Variants in ADGRV1 observed in about 807,000 individuals in gnomAD.
ADGRV1 encodes the protein adhesion G protein-coupled receptor V1.
In ADGRV1, 359 loss-of-function variants were observed where a neutral mutation model predicts 596.2. That is an observed-to-expected ratio of 0.60 (90% confidence interval 0.55 to 0.66). ADGRV1 has a LOEUF of 0.66. Among genes scored for constraint, ADGRV1 ranks in the 30% least tolerant of loss-of-function variants. The probability of loss-of-function intolerance (pLI) is 0.00; values close to 1 mark genes in which losing one functional copy is unlikely to be tolerated. For missense variants in ADGRV1, 7,274 were observed against 7,575.6 expected (o/e 0.96, Z 1.48); for synonymous variants, 2,681 against 2,679.2 (o/e 1.00, Z -0.02).
At chr5:90,695,698 CATT>C (rs1288393895) in intron 33 of ADGRV1, among the ~76,000 whole-genome samples, 6 of 151,652 alleles carry the variant, frequency 4.0e-5, no homozygotes, top group Admixed American at 1.3e-4. Context: ...ACATAATAAT[CATT>C]ATGTTTTAGA....
chr5:91,122,672 G>A (rs1424591039), intron 87 of ADGRV1, among the ~76,000 whole-genome samples: 2 of 152,178 alleles, frequency 1.3e-5, no homozygotes, highest in Non-Finnish European at 2.9e-5. Context: ...GCAAAATGTA[G>A]GCCAGGAAAT....
chr5:90,667,926 G>C (rs1271106235), intron 21 of ADGRV1, among the ~76,000 whole-genome samples: 1 of 152,008 alleles, frequency 6.6e-6, no homozygotes, highest in East Asian at 1.9e-4. Flanking sequence ...CTGCTCGGGG[G>C]TCAGGGGTCA....
intron 14 of ADGRV1, among the ~76,000 whole-genome samples, 168 bp downstream of exon 14, chr5:90,644,151 T>C (rs1767386125): frequency 6.6e-6 from 1 of 152,206 alleles, no homozygotes; most frequent in Non-Finnish European, 1.5e-5. Flanking sequence ...ATGATTTTTA[T>C]TTCTTACATA....
In ADGRV1 at chr5:90,774,223, A is replaced by G. The variant is rs1757983664; in HGVS notation, c.12323A>G (p.Gln4108Arg). ...SQKTIVLHTLQDTVLEEDRRF... is the reference protein window; with the variant it reads ...SQKTIVLHTLRDTVLEEDRRF... ...AAGACCATTGTGTTGCACACACTTC[A>G]AGACACAGTGTTGGAGGAGGACAGG... The change falls in exon 60 of 90, where the codon CAA becomes CGA. Residue 4108 changes from glutamine (Q) to arginine (R), a missense_variant. Physicochemically the swap from Gln to Arg is conservative, Grantham distance 43. Coordinates refer to ENST00000405460, the MANE Select transcript of ADGRV1 (RefSeq NM_032119.4). 6.2e-7 allele frequency: 1 copy of G among 1,611,166 alleles called. No homozygotes were observed. Among genetic ancestry groups the G allele is most frequent in the African/African-American group, 1.3e-5 (1 of 74,966 alleles).
chr5:90,803,097 C>A (rs1049729280), intron 71 of ADGRV1, among the ~76,000 whole-genome samples: 3 of 151,854 alleles, frequency 2.0e-5, no homozygotes, highest in Non-Finnish European at 4.4e-5. Context: ...ATGTCCATAT[C>A]TCTTCTTGAT....
chr5:90,638,896 A>G lies in ADGRV1; in HGVS notation c.2240+948A>G, dbSNP rs565802746. ...AAAATCTGATGGGTAACTGATTTTT[A>G]TTTTTATGTGAAAGAAAAGTATAGA... On this transcript the variant is annotated intron_variant, in intron 11 of 89. Coordinates refer to ENST00000405460, the MANE Select transcript of ADGRV1 (RefSeq NM_032119.4). Among the ~76,000 whole-genome samples the G allele has an allele frequency of 1.8e-3, 268 of 152,220 alleles. 2 individuals are homozygous for G. Among genetic ancestry groups the G allele is most frequent in the Admixed American group, 7.9e-3 (120 of 15,268 alleles).
chr5:90,599,794 T>G (rs1167064214), intron 1 of ADGRV1, among the ~76,000 whole-genome samples: 1 of 152,196 alleles, frequency 6.6e-6, no homozygotes, highest in Non-Finnish European at 1.5e-5. Flanking sequence ...AGTCATTGGC[T>G]TCAAACTTCC....
chr5:91,041,012 G>A (rs377378546), intron 85 of ADGRV1, among the ~76,000 whole-genome samples: 3 of 152,142 alleles, frequency 2.0e-5, no homozygotes, highest in South Asian at 2.1e-4. Flanking sequence ...ACTATGTTAA[G>A]AGACTTGCCC....
At chr5:90,690,774 A>G in intron 30 of ADGRV1, 23 bp from the exon 31 acceptor site, 1 of 1,579,840 alleles carries the variant, frequency 6.3e-7, no homozygotes, top group South Asian at 1.1e-5. Flanking sequence ...TTTGAAATGA[A>G]CTCTGCTCTG....
intron 83 of ADGRV1, among the ~76,000 whole-genome samples, chr5:90,903,615 A>T (rs958325676): frequency 4.6e-5 from 7 of 151,818 alleles, no homozygotes; most frequent in African/African-American, 9.6e-5. Context: ...TTCTTTTAAA[A>T]TTTTTTTTAT....
intron 78 of ADGRV1, chr5:90,846,479 T>C (rs1274777136): frequency 1.1e-5 from 2 of 175,904 alleles, no homozygotes; most frequent in East Asian, 3.4e-4. Context: ...GGGTTCTTGG[T>C]CTCACTGACT....
At chr5:90,662,207 T>TTGG (rs1580641246) in intron 21 of ADGRV1, among the ~76,000 whole-genome samples, 1 of 149,658 alleles carries the variant, frequency 6.7e-6, no homozygotes, top group Non-Finnish European at 1.5e-5. Flanking sequence ...TTTTTTTTTT[T>TTGG]GAGACGGAGT....
At position 90,854,430 on chromosome 5, in the gene ADGRV1, A is replaced by G. The variant is rs546032515; in HGVS notation, c.17594+229A>G. ...TGTGTAACACATTATTTACTTCTTC[A>G]TTTTTACTACTTTCACGGGATGTGG... On this transcript the variant is annotated intron_variant, in intron 81 of 89. Coordinates refer to ENST00000405460, the MANE Select transcript of ADGRV1 (RefSeq NM_032119.4). 3.9e-5 allele frequency among the ~76,000 whole-genome samples: 6 copies of G among 152,258 alleles called. No homozygotes were observed. In the South Asian group the frequency reaches 1.2e-3, roughly 32 times the overall value.
chr5:91,119,156 AT>A (rs1245135897), intron 87 of ADGRV1, among the ~76,000 whole-genome samples: 1 of 149,830 alleles, frequency 6.7e-6, no homozygotes, highest in African/African-American at 2.5e-5. Context: ...TCATCAGGGA[AT>A]TTTTTTTATT....
chr5:91,151,803 C>A (rs1796085137), intron 88 of ADGRV1, among the ~76,000 whole-genome samples: 1 of 152,200 alleles, frequency 6.6e-6, no homozygotes, highest in Non-Finnish European at 1.5e-5. Flanking sequence ...TATTGGAGAA[C>A]ACAGATATAA....
intron 89 of ADGRV1, among the ~76,000 whole-genome samples, chr5:91,156,035 A>C (rs1463751343): frequency 1.3e-5 from 2 of 152,220 alleles, no homozygotes; most frequent in Admixed American, 1.3e-4. Context: ...GACTAAAAGA[A>C]AAGTATATAG....
intron 1 of ADGRV1, among the ~76,000 whole-genome samples, chr5:90,561,956 C>T (rs948436859): frequency 3.3e-5 from 5 of 151,708 alleles, no homozygotes; most frequent in African/African-American, 1.2e-4. Context: ...ACTTTTTTTT[C>T]TGAGTGCAAA....
intron 1 of ADGRV1, among the ~76,000 whole-genome samples, chr5:90,611,339 T>C (rs1226870264): frequency 6.6e-6 from 1 of 151,970 alleles, no homozygotes; most frequent in Non-Finnish European, 1.5e-5. Context: ...CTATCAGGAC[T>C]CTGTCAGAAC....
chr5:90,703,646 TTA>T lies in ADGRV1; in HGVS notation c.8156-18_8156-17del. On this transcript the variant is annotated splice_polypyrimidine_tract_variant and intron_variant, in intron 34 of 89. Coordinates refer to ENST00000405460, the MANE Select transcript of ADGRV1 (RefSeq NM_032119.4). ...TATTTTCCATTAAGTATTTATCAAT[TTA>T]CACATTTTACTTGCAGGAGAAATTT... The T allele has an allele frequency of 6.4e-7, 1 of 1,566,130 alleles. No individual in the cohort carries two copies. The highest frequency in any genetic ancestry group is 8.7e-7 in the Non-Finnish European group (1 of 1,145,480).
Sources: allele counts gnomAD v4.1 joint callset (sites outside exome capture counted in the v4.1 genomes callset), GRCh38; gene constraint gnomAD v4.1.1; transcripts MANE v1.5; gene names NCBI Gene and HGNC (gene_info 2026-07-23, HGNC 2026-07-21).